The following FBXO21 variants were observed in gnomAD, a reference collection of about 807,000 sequenced individuals.
The protein encoded by FBXO21 is F-box protein 21, also known as F-box only protein 21.
Under a neutral mutation model 76.6 loss-of-function variants are expected in FBXO21, and 32 were observed. The observed-to-expected ratio is 0.42, with a 90% CI of 0.32 to 0.56. The LOEUF (loss-of-function observed/expected upper bound fraction) is 0.56, where lower values mean the gene tolerates loss of function less well. FBXO21 is among the 20% of genes least tolerant of loss of function. The pLI is 0.16. For synonymous variants in FBXO21, 328 were observed against 311.5 expected, an observed-to-expected ratio of 1.05 and a Z score of -0.56; for missense variants, 586 against 797.3, an observed-to-expected ratio of 0.73 and a Z score of 3.19.
At chr12:117,163,675 T>G (rs1956012586) in intron 9 of FBXO21, among the ~76,000 whole-genome samples, 1 of 140,618 alleles carries the variant, frequency 7.1e-6, no homozygotes, top group East Asian at 2.2e-4. Context: ...GGGTGTGGTG[T>G]CTCACGCCTG....
At chr12:117,170,642 C>T (rs1470000990) in intron 7 of FBXO21, among the ~76,000 whole-genome samples, 1 of 152,134 alleles carries the variant, frequency 6.6e-6, no homozygotes, top group Non-Finnish European at 1.5e-5. Context: ...GTGCTTGTTT[C>T]TGTCACATGT....
chr12:117,176,548 T>C (rs1255061922), intron 4 of FBXO21, among the ~76,000 whole-genome samples: 6 of 152,082 alleles, frequency 3.9e-5, no homozygotes, highest in African/African-American at 1.4e-4. Flanking sequence ...CATGCAGTGG[T>C]GAAGGCTAGA....
chr12:117,150,057 T>C (rs1161209565), intron 11 of FBXO21, among the ~76,000 whole-genome samples: 1 of 152,158 alleles, frequency 6.6e-6, no homozygotes, highest in African/African-American at 2.4e-5. Context: ...GCTCCTAGCT[T>C]GCTAAGAAGC....
rs745422354 is a variant in FBXO21 at position 117,146,328 on chromosome 12, C to T, written c.1676-51G>A. ...TTCTCATTACAATGTCCATTGCTGCCACACCTTTCATCCAGAGAACCTCCC... is the reference window on the plus strand; with the variant it reads ...TTCTCATTACAATGTCCATTGCTGCTACACCTTTCATCCAGAGAACCTCCC... On this transcript the variant is annotated intron_variant, in intron 11 of 11. Coordinates refer to ENST00000622495, the MANE Select transcript of FBXO21 (RefSeq NM_015002.3). The T allele has an allele frequency of 3.2e-5, 47 of 1,474,368 alleles. 1 individual carries two copies. The Middle Eastern group carries it at 1.2e-3, about 39-fold the overall frequency. The allele number at this position is 1,474,368 out of a possible 1,614,324, so 91.3% of individuals were successfully genotyped here.
intron 9 of FBXO21, among the ~76,000 whole-genome samples, chr12:117,161,077 C>T (rs575255456): frequency 2.6e-5 from 4 of 152,042 alleles, no homozygotes; most frequent in Non-Finnish European, 2.9e-5. Context: ...AGACAGATGA[C>T]GGAGCAGCAG....
chr12:117,148,583 C>T (rs1177673956), intron 11 of FBXO21, among the ~76,000 whole-genome samples: 1 of 152,270 alleles, frequency 6.6e-6, no homozygotes, highest in Non-Finnish European at 1.5e-5. Context: ...TGGGCACTTA[C>T]AACGTGCCAG....
At chr12:117,167,425 TC>T (rs1310779638) in intron 7 of FBXO21, among the ~76,000 whole-genome samples, 1 of 152,174 alleles carries the variant, frequency 6.6e-6, no homozygotes, top group Non-Finnish European at 1.5e-5. Context: ...CGTCTGTGGA[TC>T]CTGGGCCCTG....
In FBXO21 at chr12:117,142,852, G is replaced by A. The variant is rs1040472948; in HGVS notation, c.*3235C>T. The A allele has an allele frequency of 3.3e-5, 5 of 152,274 alleles. No individual in the cohort carries two copies. The highest frequency in any genetic ancestry group is 3.4e-3 in the Middle Eastern group (1 of 294). The allele number at this position is 152,274 out of a possible 1,614,324, so 9.4% of individuals were successfully genotyped here. The stretch of plus-strand genomic sequence containing the variant: ...ATCAGCAGCAGAAAGCCTGCGACAC[G>A]GCAGCTCTGCTCAGTTTTCTCCGTG... On this transcript the variant is annotated 3_prime_UTR_variant, in exon 12 of 12. Transcript: ENST00000622495.
intron 11 of FBXO21, among the ~76,000 whole-genome samples, chr12:117,152,010 G>A (rs1955847599): frequency 6.6e-6 from 1 of 151,214 alleles, no homozygotes; most frequent in African/African-American, 2.4e-5. Context: ...ATCACTCACA[G>A]GGGGCCCCTG....
At chr12:117,176,019 G>T (rs1956169908) in intron 4 of FBXO21, among the ~76,000 whole-genome samples, 1 of 152,202 alleles carries the variant, frequency 6.6e-6, no homozygotes, top group Admixed American at 6.5e-5. Flanking sequence ...CTAGCAGTGA[G>T]AATTTATTTT....
intron 9 of FBXO21, among the ~76,000 whole-genome samples, chr12:117,163,813 G>A (rs115696890): frequency 2.0e-5 from 3 of 151,932 alleles, no homozygotes; most frequent in Admixed American, 6.6e-5. Flanking sequence ...AGGCGTGGTG[G>A]TGTAGCTATA....
At position 117,174,711 on chromosome 12, in the gene FBXO21, G is replaced by C. The variant is rs570064734; in HGVS notation, c.679C>G (p.Leu227Val). Reference sequence around the variant, plus strand: ...ATGCCCCGAAGGGTTTTGCAAACAAGCTCCACGATGCTGTCAATTTGGGCC... The same window carrying C: ...ATGCCCCGAAGGGTTTTGCAAACAACCTCCACGATGCTGTCAATTTGGGCC... ...IQAQIDSIVE[L>V]VCKTLRGINS... The change falls in exon 5 of 12, where the codon CTT becomes GTT. Residue 227 changes from leucine (L) to valine (V), a missense_variant. Around this residue, in one of 6 missense-constraint regions of FBXO21, gnomAD observed 246 missense variants for 356.8 expected, o/e 0.69. Transcript: ENST00000622495. 14 of 1,614,196 alleles carry C rather than the reference G, an allele frequency of 8.7e-6. No individual in the cohort carries two copies. The highest frequency in any genetic ancestry group is 4.5e-5 in the East Asian group (2 of 44,872).
At chr12:117,170,322 C>T (rs77802727) in intron 7 of FBXO21, among the ~76,000 whole-genome samples, 3,628 of 152,180 alleles carry the variant, frequency 0.024, 150 homozygotes, top group African/African-American at 0.084. Context: ...ATCTAGAACT[C>T]CAATTCAAAG....
intron 2 of FBXO21, among the ~76,000 whole-genome samples, chr12:117,187,572 CA>C (rs1956296443): frequency 6.6e-6 from 1 of 152,124 alleles, no homozygotes; most frequent in Non-Finnish European, 1.5e-5. Context: ...CCAAAGCAAT[CA>C]CCCACCCACA....
At chr12:117,189,169 A>G in intron 2 of FBXO21, 58 bp downstream of exon 2, 2 of 1,604,750 alleles carry the variant, frequency 1.2e-6, no homozygotes, top group Non-Finnish European at 1.7e-6. Flanking sequence ...TCATGCCTGC[A>G]GACCCAGACA....
At position 117,180,132 on chromosome 12, in the gene FBXO21, T is replaced by C. The variant is rs1032474897; in HGVS notation, c.471-2491A>G. Among the ~76,000 whole-genome samples the C allele has an allele frequency of 1.0e-4, 15 of 148,526 alleles. No individual in the cohort carries two copies. In the East Asian group the frequency reaches 1.3e-3, roughly 13 times the overall value. ...AGTGTCAGTTTTCTTACTATCTGGT[T>C]AGGTTTCCAGGATGCACCACCAGGC... On this transcript the variant is annotated intron_variant, in intron 3 of 11. Coordinates refer to ENST00000622495, the MANE Select transcript of FBXO21 (RefSeq NM_015002.3).
At position 117,174,267 on chromosome 12, in the gene FBXO21, G is replaced by C. The variant is rs763362513; in HGVS notation, c.814C>G (p.Gln272Glu). Residue 272 changes from glutamine to glutamate, a missense_variant, in exon 6 of 12, where the codon CAA (glutamine) becomes GAA (glutamate). Transcript: ENST00000622495. Reference protein sequence around the residue: ...LDAMNYVLYDQLKFKGNRMDY... With the variant: ...LDAMNYVLYDELKFKGNRMDY... ...ATTCGATTCCCCTTGAACTTCAGTT[G>C]GTCGTAAAGGACATAGTTCATGGCA... is the stretch of plus-strand genomic sequence containing the variant. 5.0e-6 allele frequency: 8 copies of C among 1,613,168 alleles called. No individual in the cohort carries two copies. The African/African-American group carries it at 8.0e-5, about 16-fold the overall frequency.
intron 9 of FBXO21, among the ~76,000 whole-genome samples, chr12:117,162,864 G>A (rs759024365): frequency 1.3e-5 from 2 of 152,214 alleles, no homozygotes; most frequent in Admixed American, 1.3e-4. Flanking sequence ...ACCACGTGCA[G>A]GCTGTTCCCA....
intron 4 of FBXO21, among the ~76,000 whole-genome samples, chr12:117,175,528 A>G (rs529265555): frequency 1.0e-3 from 154 of 152,348 alleles, no homozygotes; most frequent in Middle Eastern, 3.4e-3. Flanking sequence ...AGACCAGCTC[A>G]GAACCTGGAC....
Sources: gnomAD v4.1 joint callset for allele counts (sites outside exome capture counted in the v4.1 genomes callset) on GRCh38, gnomAD v4.1.1 for gene constraint, gnomAD v4.1.1 regional missense constraint, MANE v1.5 for transcripts, NCBI Gene and HGNC (gene_info 2026-07-23, HGNC 2026-07-21) for gene names.